NAALADL2: variants seen among roughly 807,000 people sequenced by gnomAD.
The protein encoded by NAALADL2 is inactive N-acetylated-alpha-linked acidic dipeptidase-like protein 2.
NAALADL2 carries 76 observed loss-of-function variants against 87.2 expected under a neutral mutation model. The observed-to-expected ratio is 0.87, with a 90% CI of 0.72 to 1.05. The LOEUF (loss-of-function observed/expected upper bound fraction) is 1.05, where lower values mean the gene tolerates loss of function less well. Ranked by LOEUF, NAALADL2 falls within the 50% of genes least tolerant of loss-of-function variation. NAALADL2 has a pLI of 0.00. For synonymous variants in NAALADL2, 354 were observed against 331.0 expected (o/e 1.07, Z -0.75); for missense variants, 1,089 against 945.8 (o/e 1.15, Z -1.99).
chr3:175,129,673 T>TA (rs1360464385), intron 2 of NAALADL2, among the ~76,000 whole-genome samples: 1 of 152,236 alleles, frequency 6.6e-6, no homozygotes, highest in African/African-American at 2.4e-5. Context: ...TGTATATCTA[T>TA]ACACATGTAT....
chr3:175,408,074 C>G (rs191908564), intron 5 of NAALADL2, among the ~76,000 whole-genome samples: 1 of 151,936 alleles, frequency 6.6e-6, no homozygotes, highest in African/African-American at 2.4e-5. Context: ...CTTAAAAAGT[C>G]GATCTCATAG....
At chr3:174,968,310 G>T (rs1440416872) in intron 1 of NAALADL2, among the ~76,000 whole-genome samples, 1 of 152,018 alleles carries the variant, frequency 6.6e-6, no homozygotes, top group Non-Finnish European at 1.5e-5. Flanking sequence ...CATGAACTTG[G>T]CTTTCTGTAT....
intron 7 of NAALADL2, 100 bp from the exon 8 acceptor site, chr3:175,466,879 A>T: frequency 9.7e-7 from 1 of 1,026,422 alleles, no homozygotes; most frequent in South Asian, 1.5e-5. Context: ...AATTTTGCTT[A>T]ATTATTGCTC....
intron 11 of NAALADL2, among the ~76,000 whole-genome samples, chr3:175,678,038 C>T (rs991053136): frequency 1.3e-5 from 2 of 152,106 alleles, no homozygotes; most frequent in East Asian, 3.9e-4. Context: ...TTAGGCAGAG[C>T]CTTGTAGCTG....
At chr3:174,516,926 C>T (rs1016086160) in intron 1 of NAALADL2, among the ~76,000 whole-genome samples, 3 of 151,744 alleles carry the variant, frequency 2.0e-5, no homozygotes, top group Non-Finnish European at 4.4e-5. Context: ...AAATAAATGA[C>T]TTTCAAAGTC....
At position 175,591,230 on chromosome 3, in the gene NAALADL2, CTG is replaced by C. The variant is rs1721408902; in HGVS notation, c.1800+15047_1800+15048del. Among the ~76,000 whole-genome samples the C allele has an allele frequency of 3.3e-5, 5 of 152,012 alleles. No homozygotes were observed. The South Asian group carries it at 1.0e-3, about 32-fold the overall frequency. On this transcript the variant is annotated intron_variant, in intron 10 of 13. Transcript: ENST00000454872. ...TTTGTCTGTTTTATTATTGATTTTC[CTG>C]TGTTTTCATATATAAAGCATATTTT...
At chr3:175,543,333 T>C (rs1232611237) in intron 9 of NAALADL2, among the ~76,000 whole-genome samples, 1 of 152,036 alleles carries the variant, frequency 6.6e-6, no homozygotes, top group East Asian at 1.9e-4. Flanking sequence ...ATGAACACCA[T>C]ATTGATATTA....
chr3:175,270,916 TG>T (rs1419457551), intron 4 of NAALADL2: 4 of 152,228 alleles, frequency 2.6e-5, no homozygotes, highest in Non-Finnish European at 1.5e-5. Flanking sequence ...ATTATTTTAT[TG>T]CACTAAATAG....
chr3:174,928,375 G>A (rs1736397383), intron 1 of NAALADL2, among the ~76,000 whole-genome samples: 1 of 152,054 alleles, frequency 6.6e-6, no homozygotes, highest in African/African-American at 2.4e-5. Context: ...GAGTACCTGG[G>A]ATTACAGGCA....
At chr3:175,287,753 T>C (rs1581263395) in intron 4 of NAALADL2, among the ~76,000 whole-genome samples, 2 of 152,296 alleles carry the variant, frequency 1.3e-5, no homozygotes, top group African/African-American at 4.8e-5. Flanking sequence ...TCATGAGAAA[T>C]GGAATGGATA....
chr3:174,544,351 CTA>C (rs1268367511), intron 1 of NAALADL2, among the ~76,000 whole-genome samples: 4 of 151,950 alleles, frequency 2.6e-5, no homozygotes, highest in East Asian at 1.9e-4. Context: ...ACATTTATAA[CTA>C]TGTGAATATT....
intron 2 of NAALADL2, among the ~76,000 whole-genome samples, chr3:175,143,313 G>A (rs952635666): frequency 6.6e-6 from 1 of 151,832 alleles, no homozygotes; most frequent in African/African-American, 2.4e-5. Flanking sequence ...AAGATAAATT[G>A]CAGTGATATA....
chr3:174,654,400 ACT>A (rs1458767505), intron 2 of NAALADL2, among the ~76,000 whole-genome samples: 9 of 152,016 alleles, frequency 5.9e-5, no homozygotes, highest in South Asian at 2.1e-4. Context: ...TTAAATTAAG[ACT>A]CTTGTTGTCT....
At chr3:175,471,093 T>C (rs1724793798) in intron 8 of NAALADL2, among the ~76,000 whole-genome samples, 1 of 152,176 alleles carries the variant, frequency 6.6e-6, no homozygotes, top group Non-Finnish European at 1.5e-5. Context: ...GAACATGCTT[T>C]AATATATTTT....
At chr3:175,577,303 C>T (rs1719043688) in intron 10 of NAALADL2, among the ~76,000 whole-genome samples, 1 of 152,188 alleles carries the variant, frequency 6.6e-6, no homozygotes. Flanking sequence ...GAGGGTTTAG[C>T]TAACCTTGAG....
intron 1 of NAALADL2, among the ~76,000 whole-genome samples, chr3:174,541,463 T>G (rs2108466942): frequency 6.6e-6 from 1 of 152,268 alleles, no homozygotes; most frequent in South Asian, 2.1e-4. Context: ...AACATGAAGG[T>G]TAATAGTCAA....
At chr3:175,680,741 C>G (rs769672412) in intron 11 of NAALADL2, among the ~76,000 whole-genome samples, 1 of 152,166 alleles carries the variant, frequency 6.6e-6, no homozygotes, top group African/African-American at 2.4e-5. Flanking sequence ...CTGTTGCATT[C>G]TTAGTAACTA....
At chr3:174,854,835 C>CT (rs68116968), upstream of NAALADL2, among the ~76,000 whole-genome samples, 1,828 of 111,978 alleles carry the variant, frequency 0.016, 40 homozygotes, top group African/African-American at 0.032. Context: ...GCTTTTTTTT[C>CT]TTTTTTTTTT....
In NAALADL2 at chr3:174,794,981, C is replaced by CTTTTTTTTTTTTTTTTTTTTTTTTT. The variant is rs772447340; in HGVS notation, c.-9+57238_-9+57262dup. On this transcript the variant is annotated intron_variant, in intron 3 of 3. Coordinates refer to the NAALADL2 transcript ENST00000434257. ...TTAAAAGTTGAAACTTCTAGTCCAG[C>CTTTTTTTTTTTTTTTTTTTTTTTTT]TTTTTTTTTTTTTTTTTTTTTTTTT... 1.3e-4 allele frequency among the ~76,000 whole-genome samples: 9 copies of CTTTTTTTTTTTTTTTTTTTTTTTTT among 66,706 alleles called. 1 individual carries two copies. The highest frequency in any genetic ancestry group is 1.8e-4 in the African/African-American group (3 of 16,902). The allele number at this position is 66,706 out of a possible 152,430, so 43.8% of individuals were successfully genotyped here.
Sources: gnomAD v4.1 joint callset for allele counts (sites outside exome capture counted in the v4.1 genomes callset) on GRCh38, gnomAD v4.1.1 for gene constraint, MANE v1.5 for transcripts, NCBI Gene and HGNC (gene_info 2026-07-23, HGNC 2026-07-21) for gene names.